The following TGFB1 variants were observed in gnomAD, a reference collection of about 807,000 sequenced individuals.
TGFB1 encodes transforming growth factor beta 1, also known as transforming growth factor beta-1 proprotein.
In TGFB1, 19 loss-of-function variants were observed where a neutral mutation model predicts 43.8. The observed-to-expected ratio is 0.43, with a 90% CI of 0.30 to 0.64. The LOEUF (loss-of-function observed/expected upper bound fraction) is 0.64. Among genes scored for constraint, TGFB1 ranks in the 30% least tolerant of loss-of-function variants. The pLI is 0.11. For synonymous variants in TGFB1, 221 were observed against 236.3 expected (o/e 0.94, Z 0.60); for missense variants, 445 against 529.8 (o/e 0.84, Z 1.57).
chr19:41,351,704 G>A (rs1234756297), intron 1 of TGFB1, among the ~76,000 whole-genome samples: 3 of 152,100 alleles, frequency 2.0e-5, no homozygotes, highest in Non-Finnish European at 4.4e-5. Context: ...ACTCCTCCCA[G>A]CTTGGTTTTC....
chr19:41,349,415 C>G (rs1258554439), intron 1 of TGFB1, among the ~76,000 whole-genome samples: 1 of 152,166 alleles, frequency 6.6e-6, no homozygotes, highest in Non-Finnish European at 1.5e-5. Context: ...CCAGGTCAAG[C>G]CATGTGGCAC....
At position 41,340,572 on chromosome 19, in the gene TGFB1, C is replaced by T. The variant is rs376623585; in HGVS notation, c.860+1311G>A. ...CTGGAATTATAGGCGTGAGCCACCGCGCCCAGCCTGCTGCCACTTTCTATT... is the reference window on the plus strand; with the variant it reads ...CTGGAATTATAGGCGTGAGCCACCGTGCCCAGCCTGCTGCCACTTTCTATT... On this transcript the variant is annotated intron_variant, in intron 5 of 6. Coordinates refer to ENST00000221930, the MANE Select transcript of TGFB1 (RefSeq NM_000660.7). Among the ~76,000 whole-genome samples, 32 of 152,280 alleles carry T rather than the reference C, an allele frequency of 2.1e-4. No individual in the cohort carries two copies. In the East Asian group the frequency reaches 2.1e-3, roughly 10 times the overall value.
At chr19:41,351,095 G>A (rs1462745663) in intron 1 of TGFB1, 1 of 152,498 alleles carries the variant, frequency 6.6e-6, no homozygotes, top group Non-Finnish European at 1.5e-5. Context: ...AGGCAGATGG[G>A]GAGACACGTG....
At chr19:41,344,138 A>C (rs966010790) in intron 3 of TGFB1, among the ~76,000 whole-genome samples, 2 of 151,950 alleles carry the variant, frequency 1.3e-5, no homozygotes, top group African/African-American at 4.8e-5. Context: ...ACGTAACAGC[A>C]TGCATGGCTA....
intron 6 of TGFB1, chr19:41,331,927 T>G: frequency 1.5e-6 from 1 of 648,838 alleles, no homozygotes; most frequent in Non-Finnish European, 2.6e-6. Flanking sequence ...ATAGCTCATC[T>G]CCCTCTGGCC....
rs2038096339 is a variant in TGFB1, at chr19:41,344,733, C to A, written c.634+14G>T. The A allele has an allele frequency of 1.2e-6, 2 of 1,612,254 alleles. No homozygotes were observed. Among genetic ancestry groups the A allele is most frequent in the Non-Finnish European group, 8.5e-7 (1 of 1,178,918 alleles). ...CAGGGAGAAACAGGGGTGGGACACA[C>A]AAGTAATCCTCACCTCCACGGCTCA... On this transcript the variant is annotated intron_variant, in intron 3 of 6. Coordinates refer to ENST00000221930, the MANE Select transcript of TGFB1 (RefSeq NM_000660.7).
At chr19:41,331,381 A>T (rs2037928946) in intron 6 of TGFB1, among the ~76,000 whole-genome samples, 171 bp from the exon 7 acceptor site, 2 of 151,478 alleles carry the variant, frequency 1.3e-5, no homozygotes, top group African/African-American at 4.9e-5. Flanking sequence ...ATCCTATCTT[A>T]TTCTGTCTCT....
intron 5 of TGFB1, among the ~76,000 whole-genome samples, chr19:41,340,647 A>C (rs896150668): frequency 3.3e-5 from 5 of 152,234 alleles, no homozygotes; most frequent in Admixed American, 2.6e-4. Context: ...CTGAGTTCCA[A>C]CATGCTGAGA....
chr19:41,334,236 G>A (rs2037965249), intron 5 of TGFB1, among the ~76,000 whole-genome samples: 1 of 152,030 alleles, frequency 6.6e-6, no homozygotes. Flanking sequence ...TTAGCTGGGT[G>A]TGGCGGTGCT....
chr19:41,342,287 G>A, intron 3 of TGFB1, 40 bp from the exon 4 acceptor site: 4 of 1,556,906 alleles, frequency 2.6e-6, no homozygotes, highest in Non-Finnish European at 1.7e-6. Context: ...TGAGAGTGCA[G>A]CTCACCCAGC....
intron 5 of TGFB1, among the ~76,000 whole-genome samples, chr19:41,336,187 A>G (rs751282311): frequency 1.3e-5 from 2 of 151,716 alleles, no homozygotes; most frequent in Non-Finnish European, 2.9e-5. Context: ...TAGTAGAGAC[A>G]GGGTTTCACC....
intron 1 of TGFB1, 66 bp downstream of exon 1, chr19:41,352,624 G>C: frequency 1.3e-6 from 2 of 1,570,580 alleles, no homozygotes; most frequent in African/African-American, 1.3e-5. Flanking sequence ...CTTCCTACCC[G>C]TGGCCCCGGC....
chr19:41,332,596 T>C (rs1028271484), intron 5 of TGFB1, among the ~76,000 whole-genome samples: 5 of 152,308 alleles, frequency 3.3e-5, no homozygotes, highest in African/African-American at 1.2e-4. Context: ...CCCTGGAACA[T>C]ACAAAATAAC....
chr19:41,338,985 T>C (rs953467211), intron 5 of TGFB1, among the ~76,000 whole-genome samples: 2 of 151,688 alleles, frequency 1.3e-5, no homozygotes, highest in East Asian at 3.9e-4. Flanking sequence ...TGTGTGTGTG[T>C]GCTTTCCCCT....
chr19:41,348,519 C>T, intron 1 of TGFB1, 64 bp from the exon 2 acceptor site: 1 of 1,586,122 alleles, frequency 6.3e-7, no homozygotes, highest in South Asian at 1.1e-5. Flanking sequence ...GCTGGTGCTC[C>T]CAACTCTAGG....
At position 41,348,501 on chromosome 19, in the gene TGFB1, T is replaced by C. The variant is rs201215345; in HGVS notation, c.356-46A>G. 28 of 1,604,086 alleles carry C rather than the reference T, an allele frequency of 1.7e-5. No homozygotes were observed. In the South Asian group the frequency reaches 2.9e-4, roughly 16 times the overall value. ...GAGGCGATCAGGGGTTTGGCAGAGG[T>C]GAGGGGAGCTGGTGCTCCCAACTCT... On this transcript the variant is annotated intron_variant, in intron 1 of 6. Transcript: ENST00000221930.
At chr19:41,345,422 G>A (rs755740596) in intron 2 of TGFB1, among the ~76,000 whole-genome samples, 5 of 151,224 alleles carry the variant, frequency 3.3e-5, no homozygotes, top group South Asian at 2.1e-4. Context: ...GCTTGAGCCC[G>A]GGAGACACAG....
chr19:41,338,796 A>G lies in TGFB1; in HGVS notation c.860+3087T>C, dbSNP rs957544115. ...AGAAGCTGCAGTGAGCCGAGACCGCACCACTGCACTCCAGCCTGAATGACA... is the reference window on the plus strand; with the variant it reads ...AGAAGCTGCAGTGAGCCGAGACCGCGCCACTGCACTCCAGCCTGAATGACA... On this transcript the variant is annotated intron_variant, in intron 5 of 6. Coordinates refer to ENST00000221930, the MANE Select transcript of TGFB1 (RefSeq NM_000660.7). 8.0e-5 allele frequency among the ~76,000 whole-genome samples: 12 copies of G among 150,912 alleles called. No individual in the cohort carries two copies. The East Asian group carries it at 2.3e-3, about 29-fold the overall frequency.
chr19:41,352,274 C>T (rs1012140612), intron 1 of TGFB1, among the ~76,000 whole-genome samples: 3 of 151,970 alleles, frequency 2.0e-5, no homozygotes, highest in Non-Finnish European at 4.4e-5. Context: ...CAGCGCCTCT[C>T]CTTTCCCAAA....
Sources: allele counts gnomAD v4.1 joint callset (sites outside exome capture counted in the v4.1 genomes callset), GRCh38; gene constraint gnomAD v4.1.1; transcripts MANE v1.5; gene names NCBI Gene and HGNC (gene_info 2026-07-23, HGNC 2026-07-21).